Variants in AHCYL2 observed in about 807,000 individuals in gnomAD.
AHCYL2 encodes S-adenosylhomocysteine hydrolase-like protein 2.
Under a neutral mutation model 81.4 loss-of-function variants are expected in AHCYL2, and 28 were observed. That is an observed-to-expected ratio of 0.34 (90% CI 0.25 to 0.47). The LOEUF is 0.47. AHCYL2 is among the 20% of genes least tolerant of loss of function. The probability of loss-of-function intolerance (pLI) is 1.00; values close to 1 mark genes in which losing one functional copy is unlikely to be tolerated. For missense variants in AHCYL2, 551 were observed against 785.1 expected, an observed-to-expected ratio of 0.70 and a Z score of 3.56; for synonymous variants, 272 against 290.2, an observed-to-expected ratio of 0.94 and a Z score of 0.64.
chr7:129,264,506 C>T (rs914209633), intron 1 of AHCYL2, among the ~76,000 whole-genome samples: 3 of 151,958 alleles, frequency 2.0e-5, no homozygotes, highest in African/African-American at 4.8e-5. Flanking sequence ...AGGAGATGAC[C>T]GAGAGATTGA....
chr7:129,255,138 A>G (rs980258511), intron 1 of AHCYL2, among the ~76,000 whole-genome samples: 3 of 151,710 alleles, frequency 2.0e-5, no homozygotes, highest in African/African-American at 7.3e-5. Context: ...GCACGTGCCT[A>G]TAATACCAGC....
chr7:129,327,076 T>C (rs950830184), intron 1 of AHCYL2, among the ~76,000 whole-genome samples: 1 of 152,244 alleles, frequency 6.6e-6, no homozygotes. Context: ...ATGTTACTGC[T>C]ATGGACTGAA....
At chr7:129,425,235 G>A in intron 15 of AHCYL2, 94 bp downstream of exon 15, 3 of 1,043,344 alleles carry the variant, frequency 2.9e-6, no homozygotes, top group Non-Finnish European at 4.3e-6. Flanking sequence ...TTAAGGATGG[G>A]GGAAAAAAGG....
At chr7:129,380,094 A>G (rs1378492232) in intron 2 of AHCYL2, among the ~76,000 whole-genome samples, 1 of 152,038 alleles carries the variant, frequency 6.6e-6, no homozygotes, top group African/African-American at 2.4e-5. Context: ...TCCTTTGAAA[A>G]TAAAAAAGAA....
chr7:129,405,390 C>CT, intron 8 of AHCYL2, 177 bp downstream of exon 8: 1 of 421,716 alleles, frequency 2.4e-6, no homozygotes. Context: ...TCCTTTGTAT[C>CT]TTTTCTATTT....
intron 1 of AHCYL2, among the ~76,000 whole-genome samples, chr7:129,285,286 C>T (rs947648659): frequency 1.3e-5 from 2 of 152,194 alleles, no homozygotes; most frequent in African/African-American, 4.8e-5. Flanking sequence ...TGGAGTCATT[C>T]TTGCAAGAGT....
Position 129,371,047 on chromosome 7 carries a change from C to T in AHCYL2, c.364-8591C>T, listed in dbSNP as rs181425926. On this transcript the variant is annotated intron_variant, in intron 1 of 16. Transcript: ENST00000325006. ...CTCTGAGCACCCTCTAGTGTATTGC[C>T]GATGGATTTCCAGACCTTACTTGTA... 5.9e-5 allele frequency among the ~76,000 whole-genome samples: 9 copies of T among 152,266 alleles called. No homozygotes were observed. The East Asian group carries it at 1.4e-3, about 23-fold the overall frequency.
rs1796336684 is a variant in AHCYL2 at position 129,406,987 on chromosome 7, AC to A, written c.1295+522del. 6.6e-6 allele frequency among the ~76,000 whole-genome samples: 1 copy of A among 152,192 alleles called. No individual in the cohort carries two copies. Among genetic ancestry groups the A allele is most frequent in the African/African-American group, 2.4e-5 (1 of 41,436 alleles). On this transcript the variant is annotated intron_variant, in intron 10 of 16. Transcript: ENST00000325006. The surrounding 1 kb of genome is among the most constrained non-coding windows in gnomAD (Gnocchi z 4.3). The stretch of plus-strand genomic sequence containing the variant: ...AATGATTCTAAAATTAAAAGTTAAA[AC>A]TTTTCTTATCTATAAAATGTGTGTA...
At chr7:129,273,321 CTTT>C (rs35236990) in intron 1 of AHCYL2, among the ~76,000 whole-genome samples, 4 of 75,888 alleles carry the variant, frequency 5.3e-5, no homozygotes, top group Admixed American at 2.2e-4. Flanking sequence ...TTTGCTAAGA[CTTT>C]TTTTTTTTTT....
chr7:129,263,810 A>G (rs1368037087), intron 1 of AHCYL2, among the ~76,000 whole-genome samples: 1 of 152,194 alleles, frequency 6.6e-6, no homozygotes, highest in Non-Finnish European at 1.5e-5. Context: ...AAGAATTTTT[A>G]GTAATCTGTT....
chr7:129,326,608 C>T (rs1322763423), intron 1 of AHCYL2, among the ~76,000 whole-genome samples: 1 of 152,008 alleles, frequency 6.6e-6, no homozygotes, highest in African/African-American at 2.4e-5. Flanking sequence ...TACTTGAACT[C>T]CTATTCTTTA....
At chr7:129,254,782 A>T (rs1172033181) in intron 1 of AHCYL2, among the ~76,000 whole-genome samples, 1 of 152,216 alleles carries the variant, frequency 6.6e-6, no homozygotes, top group East Asian at 1.9e-4. Context: ...GCACCTTTAT[A>T]GCTACCTTTC....
In AHCYL2 at chr7:129,424,949, C is replaced by T; in HGVS notation, c.1629+7C>T. 1 of 1,614,014 alleles carries T rather than the reference C, an allele frequency of 6.2e-7. No individual in the cohort carries two copies. The highest frequency in any genetic ancestry group is 8.5e-7 in the Non-Finnish European group (1 of 1,179,966). ...AATCACTGCTACTACTCAGGTAAGGCTTCCAGAGTGGGATAGCAGTAGTCT... is the reference window on the plus strand; with the variant it reads ...AATCACTGCTACTACTCAGGTAAGGTTTCCAGAGTGGGATAGCAGTAGTCT... On this transcript the variant is annotated splice_region_variant and intron_variant, in intron 14 of 16. Coordinates refer to ENST00000325006, the MANE Select transcript of AHCYL2 (RefSeq NM_015328.4).
At chr7:129,285,023 C>T (rs1277461361) in intron 1 of AHCYL2, among the ~76,000 whole-genome samples, 1 of 152,094 alleles carries the variant, frequency 6.6e-6, no homozygotes, top group East Asian at 1.9e-4. Flanking sequence ...AATTAGAAAA[C>T]ATGGTACAGA....
At chr7:129,285,643 A>C (rs1362730769) in intron 1 of AHCYL2, among the ~76,000 whole-genome samples, 1 of 150,064 alleles carries the variant, frequency 6.7e-6, no homozygotes, top group Admixed American at 6.6e-5. Context: ...AAAGTTCTTC[A>C]TGTCCTTTTT....
Position 129,425,156 on chromosome 7 carries a change from T to C in AHCYL2, c.1708+15T>C, listed in dbSNP as rs776303907. ...CAAGAAGATGGGTAAGTATTTACTC[T>C]TCCATCTCCATCCTTACCAAAGTAG... On this transcript the variant is annotated intron_variant, in intron 15 of 16. Transcript: ENST00000325006. 1 of 1,606,960 alleles carries C rather than the reference T, an allele frequency of 6.2e-7. No individual in the cohort carries two copies. The highest frequency in any genetic ancestry group is 1.1e-5 in the South Asian group (1 of 90,898).
intron 4 of AHCYL2, among the ~76,000 whole-genome samples, chr7:129,394,440 C>CTTTTTTTTTTTTTTT (rs35797517): frequency 8.7e-5 from 4 of 45,738 alleles, no homozygotes; most frequent in East Asian, 8.3e-4. Flanking sequence ...TTGTATTTGA[C>CTTTTTTTTTTTTTTT]TTTTTTTTTT....
intron 1 of AHCYL2, among the ~76,000 whole-genome samples, chr7:129,244,439 T>C (rs1794976906): frequency 6.6e-6 from 1 of 152,138 alleles, no homozygotes; most frequent in Non-Finnish European, 1.5e-5. Flanking sequence ...ATACCATAGA[T>C]AGGGAGGCTT....
intron 1 of AHCYL2, among the ~76,000 whole-genome samples, chr7:129,238,690 G>A (rs371328064): frequency 6.6e-6 from 1 of 152,146 alleles, no homozygotes; most frequent in Non-Finnish European, 1.5e-5. Context: ...GGTGGCTCAC[G>A]CTTGCAATCC....
Sources: gnomAD v4.1 joint callset for allele counts (sites outside exome capture counted in the v4.1 genomes callset) on GRCh38, gnomAD v4.1.1 for gene constraint, Gnocchi (gnomAD v3.1) non-coding constraint, MANE v1.5 for transcripts, NCBI Gene and HGNC (gene_info 2026-07-23, HGNC 2026-07-21) for gene names.